RAI14: variants seen among roughly 807,000 people sequenced by gnomAD.
RAI14 encodes the protein ankycorbin.
A neutral mutation model predicts 115.4 loss-of-function variants in RAI14; 45 were observed. That is an observed-to-expected ratio of 0.39 (90% CI 0.31 to 0.50). The LOEUF (loss-of-function observed/expected upper bound fraction) is 0.50, where lower values mean the gene tolerates loss of function less well. Ranked by LOEUF, RAI14 falls within the 20% of genes least tolerant of loss-of-function variation. RAI14 has a pLI of 0.85. For synonymous variants in RAI14, 371 were observed against 415.4 expected, an observed-to-expected ratio of 0.89 and a Z score of 1.30; for missense variants, 939 against 1,131.2, an observed-to-expected ratio of 0.83 and a Z score of 2.44.
intron 2 of RAI14, among the ~76,000 whole-genome samples, chr5:34,694,203 T>C (rs1471302651): frequency 6.6e-6 from 1 of 152,260 alleles, no homozygotes; most frequent in East Asian, 1.9e-4. Flanking sequence ...TACATCTTTA[T>C]TCTGCATTAA....
At chr5:34,700,017 A>G (rs1739848400) in intron 2 of RAI14, among the ~76,000 whole-genome samples, 1 of 152,212 alleles carries the variant, frequency 6.6e-6, no homozygotes, top group African/African-American at 2.4e-5. Flanking sequence ...GGCGGAGAAT[A>G]TGGAAATCAA....
intron 3 of RAI14, among the ~76,000 whole-genome samples, chr5:34,775,634 C>A (rs1349351926): frequency 6.6e-6 from 1 of 152,144 alleles, no homozygotes; most frequent in Non-Finnish European, 1.5e-5. Context: ...ATACAAATGG[C>A]AAACAGGTGT....
At chr5:34,799,534 ACAC>A (rs1313196585) in intron 4 of RAI14, among the ~76,000 whole-genome samples, 24 of 93,620 alleles carry the variant, frequency 2.6e-4, no homozygotes, top group African/African-American at 1.1e-3. Context: ...ACACACACAC[ACAC>A]ACAAAACCAC....
At chr5:34,686,796 T>C in intron 1 of RAI14, 76 bp from the exon 2 acceptor site, 2 of 915,660 alleles carry the variant, frequency 2.2e-6, no homozygotes, top group Non-Finnish European at 1.7e-6. Context: ...CTCCTTCCCA[T>C]GACCCAAGTT....
Position 34,823,825 on chromosome 5 carries a change from T to C in RAI14, c.1983T>C (p.Asp661=), listed in dbSNP as rs1350556565. ...LYKEAQAELE[D]YRKRKSLEDV... ...AAGAAGCCCAGGCTGAGCTGGAGGA[T>C]TACAGGAAGAGGAAATCTCTAGAGG... The change falls in exon 15 of 18, where the codon GAT becomes GAC. Residue 661 remains aspartate, a synonymous_variant. Transcript: ENST00000265109. This position sits in a 1 kb window ranked among gnomAD's most constrained non-coding sequence, Gnocchi z 4.5. The C allele has an allele frequency of 1.9e-6, 3 of 1,613,848 alleles. No homozygotes were observed. The highest frequency in any genetic ancestry group is 1.3e-5 in the African/African-American group (1 of 74,882).
At chr5:34,716,512 A>G (rs1742019218) in intron 2 of RAI14, among the ~76,000 whole-genome samples, 1 of 151,902 alleles carries the variant, frequency 6.6e-6, no homozygotes. Flanking sequence ...TCCTGGGTTC[A>G]AGTGATTCTC....
At chr5:34,733,908 C>G (rs1014909040) in intron 2 of RAI14, among the ~76,000 whole-genome samples, 1 of 152,166 alleles carries the variant, frequency 6.6e-6, no homozygotes, top group Non-Finnish European at 1.5e-5. Context: ...GGGGTCCTCT[C>G]CCCCAAGGGC....
intron 1 of RAI14, among the ~76,000 whole-genome samples, chr5:34,685,370 T>C (rs1744751457): frequency 6.6e-6 from 1 of 152,100 alleles, no homozygotes; most frequent in Non-Finnish European, 1.5e-5. Flanking sequence ...GAAAACCAAA[T>C]ACCGTATGTT....
At chr5:34,775,419 A>T (rs1750713865) in intron 3 of RAI14, among the ~76,000 whole-genome samples, 1 of 152,204 alleles carries the variant, frequency 6.6e-6, no homozygotes, top group Non-Finnish European at 1.5e-5. Flanking sequence ...AGGGAAAAAA[A>T]TCCAATAATC....
At chr5:34,708,271 C>T (rs1223569924) in intron 2 of RAI14, among the ~76,000 whole-genome samples, 5 of 150,406 alleles carry the variant, frequency 3.3e-5, no homozygotes, top group African/African-American at 4.9e-5. Flanking sequence ...GGCGCGATCT[C>T]GGCTCACTGC....
At chr5:34,819,362 C>G (rs1756596894) in intron 13 of RAI14, among the ~76,000 whole-genome samples, 1 of 152,152 alleles carries the variant, frequency 6.6e-6, no homozygotes, top group Non-Finnish European at 1.5e-5. Flanking sequence ...CAGATGAGGT[C>G]CATAGGCTTC....
Position 34,824,440 on chromosome 5 carries a change from G to A in RAI14, c.2598G>A (p.Met866Ile). ...FQQAQEELAE[M>I]KRYAESSSKL... ...AAGCTCAGGAAGAACTTGCAGAAAT[G>A]AAAAGATACGCTGAGAGCTCTTCAA... Residue 866 changes from methionine to isoleucine, a missense_variant, in exon 15 of 18, where the codon ATG becomes ATA. Coordinates refer to ENST00000265109, the MANE Select transcript of RAI14 (RefSeq NM_015577.3). 6.2e-7 allele frequency: 1 copy of A among 1,604,174 alleles called. No homozygotes were observed. The highest frequency in any genetic ancestry group is 8.5e-7 in the Non-Finnish European group (1 of 1,173,688).
intron 2 of RAI14, among the ~76,000 whole-genome samples, chr5:34,697,853 C>G (rs1478606463): frequency 6.6e-6 from 1 of 151,950 alleles, no homozygotes; most frequent in Non-Finnish European, 1.5e-5. Flanking sequence ...AATTTTAGGC[C>G]TAGAATTCTG....
chr5:34,657,117 C>T (rs1457949145), intron 1 of RAI14: 1 of 152,330 alleles, frequency 6.6e-6, no homozygotes, highest in African/African-American at 2.4e-5. Context: ...TTTTCCCCGC[C>T]GCAGCTCGGG....
chr5:34,669,790 A>G (rs893408830), intron 1 of RAI14, among the ~76,000 whole-genome samples: 1 of 152,238 alleles, frequency 6.6e-6, no homozygotes, highest in Non-Finnish European at 1.5e-5. Flanking sequence ...AGAGAAGTAC[A>G]TAAGTATCTA....
rs751000131 is a variant in RAI14 at position 34,831,811 on chromosome 5, C to T, written c.*1046C>T. 14 of 152,102 alleles carry T rather than the reference C, an allele frequency of 9.2e-5. No homozygotes were observed. The highest frequency in any genetic ancestry group is 2.1e-4 in the Non-Finnish European group (14 of 68,030). 9.4% of individuals were successfully genotyped at this position (152,102 alleles called of 1,614,324 possible). ...CCTAATATGAGCTGCCACCAACACC[C>T]CTAGAACTTTCAGCCATGGTGTCTT... On this transcript the variant is annotated 3_prime_UTR_variant, in exon 18 of 18. Coordinates refer to ENST00000265109, the MANE Select transcript of RAI14 (RefSeq NM_015577.3).
intron 2 of RAI14, among the ~76,000 whole-genome samples, chr5:34,701,143 A>G (rs1247197764): frequency 1.3e-5 from 2 of 152,222 alleles, no homozygotes; most frequent in Non-Finnish European, 1.5e-5. Flanking sequence ...CTGGGGAGTC[A>G]TGCCCTACAA....
At chr5:34,668,484 T>C (rs936021424) in intron 1 of RAI14, among the ~76,000 whole-genome samples, 2 of 151,856 alleles carry the variant, frequency 1.3e-5, no homozygotes, top group Non-Finnish European at 2.9e-5. Context: ...AGGTGCTGAG[T>C]ATTTCATCTT....
chr5:34,730,601 G>A (rs1488892828), intron 2 of RAI14, among the ~76,000 whole-genome samples: 4 of 152,098 alleles, frequency 2.6e-5, no homozygotes, highest in African/African-American at 7.2e-5. Context: ...ACTTGAACCC[G>A]GGAGGCAGAG....
Sources: allele counts gnomAD v4.1 joint callset (sites outside exome capture counted in the v4.1 genomes callset), GRCh38; gene constraint gnomAD v4.1.1; non-coding constraint Gnocchi (gnomAD v3.1); transcripts MANE v1.5; gene names NCBI Gene and HGNC (gene_info 2026-07-23, HGNC 2026-07-21).